POM121: variants seen among roughly 807,000 people sequenced by gnomAD.
POM121 encodes the protein nuclear envelope pore membrane protein POM 121.
A neutral mutation model predicts 81.3 loss-of-function variants in POM121; 32 were observed. The ratio of observed to expected loss-of-function variants is 0.39; its 90% confidence interval spans 0.30 to 0.53. POM121 has a LOEUF of 0.53. POM121 is among the 20% of genes least tolerant of loss of function. The pLI is 0.66. For synonymous variants in POM121, 514 were observed against 694.2 expected (o/e 0.74, Z 4.08); for missense variants, 1,138 against 1,614.6 (o/e 0.70, Z 5.06).
rs1563165274 is a variant in POM121 at position 72,938,538 on chromosome 7, G to A, written c.1276-52G>A. The A allele has an allele frequency of 2.6e-6, 4 of 1,554,438 alleles. No individual in the cohort carries two copies. The South Asian group carries it at 3.3e-5, about 13-fold the overall frequency. On this transcript the variant is annotated intron_variant, in intron 5 of 12. Coordinates refer to ENST00000434423, the MANE Select transcript of POM121 (RefSeq NM_001387691.1). ...TGAAAAGAGACTTTGTCGTGTTGAG[G>A]GTCAGATGCTAAGTTATCAGCAGGC...
chr7:72,943,141 C>T lies in POM121; in HGVS notation c.3148C>T (p.Pro1050Ser), dbSNP rs1554502152. The change falls in exon 11 of 13, where the codon CCC becomes TCC. Residue 1050 changes from proline to serine, a missense_variant. Physicochemically the swap from Pro to Ser is moderately conservative, Grantham distance 74. Coordinates refer to ENST00000434423, the MANE Select transcript of POM121 (RefSeq NM_001387691.1). ...LKATASAFGA[P>S]ASSQPAFGGS... ...AGCCACGGCTTCGGCCTTCGGCGCT[C>T]CCGCCAGCTCACAGCCCGCCTTTGG... is the stretch of plus-strand genomic sequence containing the variant. The T allele has an allele frequency of 6.2e-7, 1 of 1,613,296 alleles. No homozygotes were observed. Among genetic ancestry groups the T allele is most frequent in the Non-Finnish European group, 8.5e-7 (1 of 1,179,716 alleles).
rs527641264 is a variant in POM121, at chr7:72,882,946, T to C, written c.-521+3061T>C. Reference sequence around the variant, plus strand: ...GACATCCGTTACTTCCAAACTGATATTTTCTCCATGGAGTCTCTCTTTTCT... The same window carrying C: ...GACATCCGTTACTTCCAAACTGATACTTTCTCCATGGAGTCTCTCTTTTCT... On this transcript the variant is annotated intron_variant, in intron 1 of 15. Coordinates refer to the POM121 transcript ENST00000395270. 2.2e-4 allele frequency among the ~76,000 whole-genome samples: 33 copies of C among 152,338 alleles called. No homozygotes were observed. In the South Asian group the frequency reaches 6.2e-3, roughly 29 times the overall value.
upstream of POM121, among the ~76,000 whole-genome samples, chr7:72,923,113 A>ACC (rs376744233): frequency 0.02 from 1,622 of 80,728 alleles, 31 homozygotes; most frequent in East Asian, 0.034. Flanking sequence ...CTCCCCCCCA[A>ACC]CCCCCCCCCC....
intron 3 of POM121, among the ~76,000 whole-genome samples, chr7:72,927,501 G>C (rs1795576921): frequency 6.6e-6 from 1 of 152,192 alleles, no homozygotes; most frequent in South Asian, 2.1e-4. Flanking sequence ...CCTGAGGTCA[G>C]GAGTTCGAGA....
At chr7:72,932,112 C>G (rs2129578546) in intron 5 of POM121, among the ~76,000 whole-genome samples, 1 of 148,732 alleles carries the variant, frequency 6.7e-6, no homozygotes, top group East Asian at 2.0e-4. Flanking sequence ...CTGTGTTTTC[C>G]TTTTTGAAAT....
At chr7:72,943,604 T>C in intron 11 of POM121, 82 bp downstream of exon 11, 2 of 1,520,302 alleles carry the variant, frequency 1.3e-6, no homozygotes, top group South Asian at 2.6e-5. Context: ...GGGGAGCTTA[T>C]GCTGTGGCAG....
intron 3 of POM121, among the ~76,000 whole-genome samples, chr7:72,910,624 G>A (rs1793712692): frequency 6.6e-6 from 1 of 151,892 alleles, no homozygotes; most frequent in African/African-American, 2.4e-5. Context: ...CCAAGGTGGG[G>A]AGGGTCAACA....
chr7:72,938,736 G>GA, intron 6 of POM121, 55 bp downstream of exon 6: 1 of 1,579,208 alleles, frequency 6.3e-7, no homozygotes, highest in Non-Finnish European at 8.7e-7. Context: ...CGGGGGTGAG[G>GA]AAAGGTGGGA....
rs1364053290 is a variant in POM121 at position 72,925,120 on chromosome 7, C to A, written c.-2C>A. The A allele has an allele frequency of 5.6e-6, 8 of 1,417,526 alleles. No homozygotes were observed. Among genetic ancestry groups the A allele is most frequent in the Non-Finnish European group, 7.3e-6 (8 of 1,100,226 alleles). 87.8% of individuals were successfully genotyped at this position (1,417,526 alleles called of 1,614,324 possible). A position where few individuals can be genotyped will look rare whatever the true frequency, so the allele number is the denominator to read the frequency against. ...AAGTCTCCTCCGCGGCGCGGAGCCGCGATGTCTCCGGCGGCTGCGGCGGCT... is the reference window on the plus strand; with the variant it reads ...AAGTCTCCTCCGCGGCGCGGAGCCGAGATGTCTCCGGCGGCTGCGGCGGCT... On this transcript the variant is annotated 5_prime_UTR_variant, in exon 1 of 13. Coordinates refer to ENST00000434423, the MANE Select transcript of POM121 (RefSeq NM_001387691.1).
chr7:72,927,794 G>A (rs375873701), intron 3 of POM121, among the ~76,000 whole-genome samples: 20 of 152,296 alleles, frequency 1.3e-4, no homozygotes, highest in African/African-American at 3.4e-4. Context: ...AAGAAAGGAA[G>A]TTGAAGTGGC....
chr7:72,926,601 A>G, intron 2 of POM121, 124 bp downstream of exon 2: 5 of 1,511,856 alleles, frequency 3.3e-6, no homozygotes, highest in Non-Finnish European at 4.5e-6. Flanking sequence ...GATGAGAAAT[A>G]CCAAATTCTA....
chr7:72,908,654 C>T (rs1156543530), intron 3 of POM121, among the ~76,000 whole-genome samples: 4 of 152,160 alleles, frequency 2.6e-5, no homozygotes, highest in Admixed American at 6.6e-5. Flanking sequence ...AAAAGACAGA[C>T]GTTCCCAGAG....
chr7:72,928,514 C>G, intron 4 of POM121, 49 bp downstream of exon 4: 2 of 1,578,808 alleles, frequency 1.3e-6, no homozygotes, highest in South Asian at 1.1e-5. Flanking sequence ...GGAAAAAGGC[C>G]TGATCAGAGC....
chr7:72,921,001 T>G (rs1794770896), upstream of POM121, among the ~76,000 whole-genome samples: 1 of 151,960 alleles, frequency 6.6e-6, no homozygotes, highest in African/African-American at 2.4e-5. Flanking sequence ...GCCAACATGG[T>G]GAAACCCAGT....
Position 72,926,252 on chromosome 7 carries a change from TTC to T in POM121, c.645-6_645-5del. The T allele has an allele frequency of 6.4e-7, 1 of 1,552,014 alleles. No individual in the cohort carries two copies. The highest frequency in any genetic ancestry group is 1.2e-5 in the South Asian group (1 of 84,626). On this transcript the variant is annotated splice_polypyrimidine_tract_variant and splice_region_variant and intron_variant, in intron 1 of 12. Transcript: ENST00000434423. ...CTTTGGTTCCGTGATTTGTCTCGCA[TTC>T]TCTGCAGGGATTGTGGGACTTTACC...
intron 5 of POM121, among the ~76,000 whole-genome samples, chr7:72,938,191 G>T (rs1447672592): frequency 7.3e-5 from 11 of 151,226 alleles, no homozygotes; most frequent in Non-Finnish European, 1.2e-4. Flanking sequence ...TTTCTTTTCA[G>T]GGGTCTTTCT....
At chr7:72,918,912 C>T (rs564153684) in intron 4 of POM121, among the ~76,000 whole-genome samples, 1 of 152,260 alleles carries the variant, frequency 6.6e-6, no homozygotes, top group African/African-American at 2.4e-5. Context: ...ATTCTCCTGC[C>T]TCAGCCTCCC....
intron 8 of POM121, 23 bp downstream of exon 8, chr7:72,939,991 C>G: frequency 1.3e-6 from 2 of 1,600,002 alleles, no homozygotes; most frequent in Non-Finnish European, 1.7e-6. Flanking sequence ...CCATCTACTC[C>G]TGCCCTCCCC....
At chr7:72,896,848 C>G (rs1451172365) in intron 3 of POM121, among the ~76,000 whole-genome samples, 6 of 152,276 alleles carry the variant, frequency 3.9e-5, no homozygotes, top group Non-Finnish European at 8.8e-5. Flanking sequence ...CACTGTTAAG[C>G]ACTGGGAATA....
Sources: gnomAD v4.1 joint callset for allele counts (sites outside exome capture counted in the v4.1 genomes callset) on GRCh38, gnomAD v4.1.1 for gene constraint, MANE v1.5 for transcripts, NCBI Gene and HGNC (gene_info 2026-07-23, HGNC 2026-07-21) for gene names.